Variants in LRIG3 observed in about 807,000 individuals in gnomAD.
LRIG3 encodes leucine-rich repeats and immunoglobulin-like domains protein 3.
A neutral mutation model predicts 114.5 loss-of-function variants in LRIG3; 76 were observed. That is an observed-to-expected ratio of 0.66 (90% CI 0.55 to 0.80). The LOEUF is 0.80. LRIG3 is among the 30% of genes least tolerant of loss of function. The probability of loss-of-function intolerance (pLI) is 0.00; values close to 1 mark genes in which losing one functional copy is unlikely to be tolerated. For missense variants in LRIG3, 1,239 were observed against 1,382.8 expected (o/e 0.90, Z 1.65); for synonymous variants, 512 against 519.8 (o/e 0.98, Z 0.20).
chr12:58,880,952 CA>C, intron 12 of LRIG3, 51 bp from the exon 13 acceptor site: 1 of 1,521,762 alleles, frequency 6.6e-7, no homozygotes, highest in Non-Finnish European at 9.0e-7. Context: ...CTCAAGAGTC[CA>C]AATACTACTC....
chr12:58,919,489 G>C, intron 1 of LRIG3: 2 of 1,551,606 alleles, frequency 1.3e-6, no homozygotes, highest in Non-Finnish European at 1.7e-6. Flanking sequence ...CCATAACTTG[G>C]AGAATGACCG....
chr12:58,884,637 T>C (rs772528242), intron 10 of LRIG3, among the ~76,000 whole-genome samples: 14 of 152,202 alleles, frequency 9.2e-5, no homozygotes, highest in Non-Finnish European at 1.9e-4. Flanking sequence ...AGAATCATTC[T>C]ACTATAATTT....
In LRIG3 at chr12:58,872,558, T is replaced by C. The variant is rs1243023772; in HGVS notation, c.*14A>G. ...GAGGTAGTATGTTAAGCTTTTCCTT[T>C]GGTCTCATTCAGTCTATGTGTCCAA... On this transcript the variant is annotated 3_prime_UTR_variant, in exon 19 of 19. Coordinates refer to ENST00000320743, the MANE Select transcript of LRIG3 (RefSeq NM_153377.5). The C allele has an allele frequency of 1.1e-5, 17 of 1,582,846 alleles. No homozygotes were observed. The highest frequency in any genetic ancestry group is 1.5e-5 in the Non-Finnish European group (17 of 1,162,532).
At chr12:58,884,801 T>C (rs1045519196) in intron 10 of LRIG3, among the ~76,000 whole-genome samples, 1 of 152,200 alleles carries the variant, frequency 6.6e-6, no homozygotes. Flanking sequence ...ATATGTATTT[T>C]AAATTGTAAC....
At chr12:58,906,177 T>A (rs928052093) in intron 3 of LRIG3, among the ~76,000 whole-genome samples, 2 of 152,188 alleles carry the variant, frequency 1.3e-5, no homozygotes, top group Non-Finnish European at 2.9e-5. Context: ...CCCCAGAAAC[T>A]TAAGTTCTAA....
At chr12:58,892,679 G>A (rs1017836470) in intron 3 of LRIG3, among the ~76,000 whole-genome samples, 9 of 152,178 alleles carry the variant, frequency 5.9e-5, no homozygotes, top group Admixed American at 2.0e-4. Context: ...ATTGAAGATC[G>A]ATTAAGTGCC....
rs749408201 is a variant in LRIG3, at chr12:58,877,491, C to A, written c.2445G>T (p.Val815=). ...WATVGVVIIA[V]VCCVVGTSLV... is the part of the protein sequence containing the mutation. ...GTGACGTGCCCACCACACAGCAAAC[C>A]ACGGCTATGATCACGACACCCACAG... is the stretch of plus-strand genomic sequence containing the variant. Residue 815 remains valine, a synonymous_variant, in exon 15 of 19, where the codon GTG becomes GTT. Transcript: ENST00000320743. The A allele has an allele frequency of 6.2e-7, 1 of 1,614,074 alleles. No individual in the cohort carries two copies. The highest frequency in any genetic ancestry group is 1.1e-5 in the South Asian group (1 of 91,090).
intron 12 of LRIG3, 135 bp from the exon 13 acceptor site, chr12:58,881,036 A>T (rs1372362156): frequency 1.3e-6 from 1 of 750,110 alleles, no homozygotes; most frequent in Admixed American, 2.7e-5. Context: ...CAGATGGACT[A>T]GCCGTCCCCA....
At chr12:58,875,405 T>C (rs1265164371) in intron 16 of LRIG3, among the ~76,000 whole-genome samples, 2 of 152,226 alleles carry the variant, frequency 1.3e-5, no homozygotes, top group Non-Finnish European at 2.9e-5. Flanking sequence ...ACTTTTAGTT[T>C]ATCCACCTCT....
intron 18 of LRIG3, chr12:58,873,658 C>G (rs879063014): frequency 5.0e-6 from 1 of 199,710 alleles, no homozygotes; most frequent in Non-Finnish European, 1.0e-5. Context: ...CCTTCGACTG[C>G]GGGTTCAGTT....
At chr12:58,919,976 T>TC (rs528314549) in intron 1 of LRIG3, 24 bp downstream of exon 1, 10 of 1,540,954 alleles carry the variant, frequency 6.5e-6, no homozygotes, top group African/African-American at 1.4e-5. Flanking sequence ...CCGGGCCCCC[T>TC]CCCCCCGCGG....
rs1318626001 is a variant in LRIG3, at chr12:58,877,704, A to G, written c.2232T>C (p.Phe744=). Residue 744 remains phenylalanine, a synonymous_variant, in exon 15 of 19, where the codon TTT becomes TTC. Transcript: ENST00000320743. ...TCAGAAGCTGATTGCCTGCTGCAAAAAAGTGCCTCTCGGTTACCACCAATG... is the reference window on the plus strand; with the variant it reads ...TCAGAAGCTGATTGCCTGCTGCAAAGAAGTGCCTCTCGGTTACCACCAATG... ...DSPLVVTERH[F]FAAGNQLLII... is the part of the protein sequence containing the mutation. 1.2e-6 allele frequency: 2 copies of G among 1,614,200 alleles called. No individual in the cohort carries two copies. The highest frequency in any genetic ancestry group is 8.5e-7 in the Non-Finnish European group (1 of 1,180,038).
rs1872621095 is a variant in LRIG3 at position 58,920,160 on chromosome 12, G to C, written c.76C>G (p.Arg26Gly). 5.2e-6 allele frequency: 8 copies of C among 1,540,692 alleles called. No individual in the cohort carries two copies. Among genetic ancestry groups the C allele is most frequent in the Admixed American group, 2.0e-5 (1 of 50,916 alleles). The change falls in exon 1 of 19, where the codon CGG becomes GGG. Residue 26 changes from arginine (R) to glycine (G), a missense_variant. Physicochemically the swap from Arg to Gly is moderately radical, Grantham distance 125. Transcript: ENST00000320743. ...TCCCCGCGACCGCCGCTGTCTGACC[G>C]GCCAGCGCGCCCCAGCACCGCGCAC... is the stretch of plus-strand genomic sequence containing the variant. ...LLCAVLGRAGRSDSGGRGELG... is the reference protein window; with the variant it reads ...LLCAVLGRAGGSDSGGRGELG...
At position 58,882,936 on chromosome 12, in the gene LRIG3, A is replaced by G; in HGVS notation, c.1413T>C (p.Ser471=). The change falls in exon 12 of 19, where the codon AGT becomes AGC. Residue 471 remains serine (S), a synonymous_variant. Coordinates refer to ENST00000320743, the MANE Select transcript of LRIG3 (RefSeq NM_153377.5). ...CTTTTAGCAGCTGAGGATGGGCACA[A>G]CTGGCATTTACAAAGCTCTGAAAGT... The part of the protein sequence containing the change: ...ENNFQSFVNA[S]CAHPQLLKGR... 6.2e-7 allele frequency: 1 copy of G among 1,614,194 alleles called. No individual in the cohort carries two copies. Among genetic ancestry groups the G allele is most frequent in the Non-Finnish European group, 8.5e-7 (1 of 1,180,004 alleles).
intron 3 of LRIG3, among the ~76,000 whole-genome samples, chr12:58,910,340 T>G (rs905343413): frequency 9.2e-5 from 14 of 152,220 alleles, no homozygotes; most frequent in Admixed American, 7.2e-4. Context: ...CAGGGCGCGG[T>G]GGCTCACGCC....
intron 3 of LRIG3, among the ~76,000 whole-genome samples, chr12:58,899,012 G>A (rs1039315828): frequency 1.3e-5 from 2 of 152,242 alleles, no homozygotes; most frequent in Non-Finnish European, 1.5e-5. Context: ...GGGAGCCAGA[G>A]GCCATTCTGA....
chr12:58,918,629 T>C (rs1177952857), intron 1 of LRIG3, among the ~76,000 whole-genome samples: 2 of 152,218 alleles, frequency 1.3e-5, no homozygotes, highest in Admixed American at 6.5e-5. Flanking sequence ...TTCAGTTCCA[T>C]ATGTTGTCAA....
At chr12:58,881,722 C>A (rs920481920) in intron 12 of LRIG3, among the ~76,000 whole-genome samples, 3 of 152,180 alleles carry the variant, frequency 2.0e-5, no homozygotes, top group Admixed American at 2.0e-4. Context: ...GAAAAGACAA[C>A]TTTTTATGTG....
At chr12:58,917,016 T>C (rs919228111) in intron 1 of LRIG3, among the ~76,000 whole-genome samples, 4 of 152,172 alleles carry the variant, frequency 2.6e-5, no homozygotes, top group Admixed American at 2.0e-4. Flanking sequence ...AGCCAGGCTA[T>C]AGCTGTTTTA....
Sources: allele counts gnomAD v4.1 joint callset (sites outside exome capture counted in the v4.1 genomes callset), GRCh38; gene constraint gnomAD v4.1.1; transcripts MANE v1.5; gene names NCBI Gene and HGNC (gene_info 2026-07-23, HGNC 2026-07-21).